Variants in SMIM7 observed in about 807,000 individuals in gnomAD.
SMIM7 encodes small integral membrane protein 7, also known as UPF0608 protein C19orf42.
SMIM7 carries 12 observed loss-of-function variants against 13.3 expected under a neutral mutation model. The observed-to-expected ratio is 0.90, with a 90% CI of 0.58 to 1.46. The LOEUF (loss-of-function observed/expected upper bound fraction) is 1.46, where lower values mean the gene tolerates loss of function less well. SMIM7 is among the 40% of genes most tolerant of loss of function. The probability of loss-of-function intolerance (pLI) is 0.00; values close to 1 mark genes in which losing one functional copy is unlikely to be tolerated. For missense variants in SMIM7, 114 were observed against 94.8 expected (o/e 1.20, Z -0.84); for synonymous variants, 36 against 35.8 (o/e 1.01, Z -0.02).
intron 4 of SMIM7, among the ~76,000 whole-genome samples, chr19:16,651,748 C>T (rs534292834): frequency 6.9e-5 from 10 of 145,814 alleles, no homozygotes; most frequent in African/African-American, 2.3e-4. Flanking sequence ...TTTGCAAAGA[C>T]GAGAATGAGA....
chr19:16,648,922 A>G (rs1305496868), intron 4 of SMIM7, among the ~76,000 whole-genome samples: 6 of 152,056 alleles, frequency 3.9e-5, no homozygotes, highest in Non-Finnish European at 8.8e-5. Context: ...CGCTGAGGCC[A>G]GAGGATCACT....
At chr19:16,647,502 C>CTGGA (rs2086465084) in intron 4 of SMIM7, among the ~76,000 whole-genome samples, 1 of 149,832 alleles carries the variant, frequency 6.7e-6, no homozygotes, top group African/African-American at 2.5e-5. Context: ...GCCGCCCAGG[C>CTGGA]TGGAGTACAG....
intron 3 of SMIM7, among the ~76,000 whole-genome samples, chr19:16,654,803 C>T (rs972023183): frequency 2.6e-5 from 4 of 152,148 alleles, no homozygotes; most frequent in Admixed American, 2.0e-4. Flanking sequence ...CATTCATTTA[C>T]ATATCATGTC....
intron 2 of SMIM7, 58 bp from the exon 3 acceptor site, chr19:16,659,505 T>C (rs888007771): frequency 6.4e-7 from 1 of 1,553,102 alleles, no homozygotes; most frequent in Non-Finnish European, 8.8e-7. Context: ...CTCAGCCCCC[T>C]GACCCCCAGC....
chr19:16,641,955 C>T (rs1025574400), downstream of SMIM7, among the ~76,000 whole-genome samples: 2 of 152,176 alleles, frequency 1.3e-5, no homozygotes, highest in Non-Finnish European at 2.9e-5. Context: ...TGACTCCTGC[C>T]CTAGAGCAGA....
chr19:16,642,892 T>C (rs1462073945), downstream of SMIM7, among the ~76,000 whole-genome samples: 1 of 150,450 alleles, frequency 6.6e-6, no homozygotes, highest in African/African-American at 2.4e-5. Flanking sequence ...GGCGCGATCA[T>C]GGCTCACTGC....
At chr19:16,644,341 C>A (rs188604439), downstream of SMIM7, among the ~76,000 whole-genome samples, 4 of 150,468 alleles carry the variant, frequency 2.7e-5, no homozygotes, top group East Asian at 7.9e-4. Flanking sequence ...AGGTTGGTCT[C>A]GAACTCCTGA....
chr19:16,656,673 C>T (rs1254594732), intron 3 of SMIM7, among the ~76,000 whole-genome samples: 1 of 152,106 alleles, frequency 6.6e-6, no homozygotes, highest in East Asian at 1.9e-4. Context: ...CCAAGGAGGG[C>T]AGATCACCTG....
At chr19:16,651,724 C>T (rs575542135) in intron 4 of SMIM7, among the ~76,000 whole-genome samples, 7 of 148,756 alleles carry the variant, frequency 4.7e-5, no homozygotes, top group Non-Finnish European at 1.0e-4. Context: ...TGACTTCTTC[C>T]CTGCCCCAGG....
At chr19:16,649,278 G>A (rs940186014) in intron 4 of SMIM7, among the ~76,000 whole-genome samples, 2 of 151,940 alleles carry the variant, frequency 1.3e-5, no homozygotes, top group African/African-American at 4.8e-5. Context: ...CCTGGCCAAC[G>A]TGGTAAAACC....
chr19:16,654,581 T>C (rs1203787437), intron 3 of SMIM7, among the ~76,000 whole-genome samples: 1 of 152,064 alleles, frequency 6.6e-6, no homozygotes, highest in Non-Finnish European at 1.5e-5. Context: ...GGGGTTTTGC[T>C]ATGTTCCCCA....
chr19:16,655,000 G>C (rs1224326316), intron 3 of SMIM7, among the ~76,000 whole-genome samples: 1 of 152,030 alleles, frequency 6.6e-6, no homozygotes, highest in African/African-American at 2.4e-5. Context: ...AAAAGAAAGG[G>C]GAATTGAGAG....
chr19:16,647,070 G>A lies in SMIM7; in HGVS notation c.*176C>T, dbSNP rs201774087. ...AAAGTGAAACTATCTTTGAAAACAG[G>A]GACGTGGCTGGGAAACCATGCACAC... On this transcript the variant is annotated 3_prime_UTR_variant, in exon 5 of 5. Transcript: ENST00000487416. 1.8e-4 allele frequency: 126 copies of A among 713,292 alleles called. No individual in the cohort carries two copies. Among genetic ancestry groups the A allele is most frequent in the Non-Finnish European group, 2.8e-4 (118 of 416,620 alleles). 44.2% of individuals were successfully genotyped at this position (713,292 alleles called of 1,614,324 possible). A position where few individuals can be genotyped will look rare whatever the true frequency, so the allele number is the denominator to read the frequency against.
At chr19:16,645,813 CA>C (rs1247955464), downstream of SMIM7, 2 of 152,144 alleles carry the variant, frequency 1.3e-5, no homozygotes, top group East Asian at 3.9e-4. Flanking sequence ...AGGCGTGTGC[CA>C]CCATATCTGG....
chr19:16,656,166 A>C (rs1487539487), intron 3 of SMIM7, among the ~76,000 whole-genome samples: 1 of 152,050 alleles, frequency 6.6e-6, no homozygotes, highest in African/African-American at 2.4e-5. Context: ...CAGGTGGATC[A>C]CCTGAGGTCG....
chr19:16,658,017 AG>A (rs2086618962), intron 3 of SMIM7, among the ~76,000 whole-genome samples: 1 of 152,222 alleles, frequency 6.6e-6, no homozygotes, highest in African/African-American at 2.4e-5. Context: ...CCTGGGCAAC[AG>A]AGCAAGACCC....
At chr19:16,657,139 G>A (rs908803285) in intron 3 of SMIM7, among the ~76,000 whole-genome samples, 1 of 152,118 alleles carries the variant, frequency 6.6e-6, no homozygotes, top group South Asian at 2.1e-4. Flanking sequence ...CACGCATGAC[G>A]CTCTCAACAA....
At chr19:16,645,399 T>C (rs898460771), downstream of SMIM7, 5 of 152,250 alleles carry the variant, frequency 3.3e-5, no homozygotes, top group African/African-American at 9.7e-5. Context: ...AGCCAAGATC[T>C]TGGCGTGCCT....
chr19:16,633,217 G>A (rs2086334523), intron 4 of SMIM7, among the ~76,000 whole-genome samples: 2 of 151,670 alleles, frequency 1.3e-5, no homozygotes, highest in Non-Finnish European at 2.9e-5. Context: ...AGCACTTTGG[G>A]AGGCAGAAGT....
Sources: gnomAD v4.1 joint callset for allele counts (sites outside exome capture counted in the v4.1 genomes callset) on GRCh38, gnomAD v4.1.1 for gene constraint, MANE v1.5 for transcripts, NCBI Gene and HGNC (gene_info 2026-07-23, HGNC 2026-07-21) for gene names.